ARHGEF10: variants seen among roughly 807,000 people sequenced by gnomAD.
The protein encoded by ARHGEF10 is Rho guanine nucleotide exchange factor 10, also known as Rho guanine nucleotide exchange factor (GEF) 10.
ARHGEF10 carries 140 observed loss-of-function variants against 147.4 expected under a neutral mutation model. The observed-to-expected ratio is 0.95, with a 90% CI of 0.83 to 1.09. The LOEUF (loss-of-function observed/expected upper bound fraction) is 1.09, where lower values mean the gene tolerates loss of function less well. Among genes scored for constraint, ARHGEF10 ranks in the 50% least tolerant of loss-of-function variants. The probability of loss-of-function intolerance (pLI) is 0.00; values close to 1 mark genes in which losing one functional copy is unlikely to be tolerated. For missense variants in ARHGEF10, 2,222 were observed against 1,752.7 expected (o/e 1.27, Z -4.78); for synonymous variants, 902 against 695.8 (o/e 1.30, Z -4.67).
Position 1,928,599 on chromosome 8 carries a change from C to T in ARHGEF10, c.2870C>T (p.Ala957Val), listed in dbSNP as rs774662836. 1.9e-6 allele frequency: 3 copies of T among 1,614,090 alleles called. No homozygotes were observed. The highest frequency in any genetic ancestry group is 2.5e-6 in the Non-Finnish European group (3 of 1,180,046). ...PGAPPDPETP[A>V]VRASDVPTIC... ...GCACCCCCGGACCCCGAGACCCCGG[C>T]CGTGAGAGCTTCTGATGTCCCCACG... The change falls in exon 24 of 29, where the codon GCC becomes GTC. Residue 957 changes from alanine (A) to valine (V), a missense_variant. Coordinates refer to ENST00000349830, the MANE Select transcript of ARHGEF10 (RefSeq NM_014629.4).
intron 7 of ARHGEF10, among the ~76,000 whole-genome samples, chr8:1,873,274 C>T (rs1807287243): frequency 6.6e-6 from 1 of 152,170 alleles, no homozygotes; most frequent in Admixed American, 6.5e-5. Flanking sequence ...CAGGAGGGCA[C>T]CGTGCAGAAG....
At chr8:1,917,759 CTTTCT>C (rs1811867004) in intron 18 of ARHGEF10, among the ~76,000 whole-genome samples, 1 of 151,994 alleles carries the variant, frequency 6.6e-6, no homozygotes, top group Admixed American at 6.6e-5. Flanking sequence ...GCAGGTGTTT[CTTTCT>C]TTTTCTTTTC....
At chr8:1,884,344 C>G (rs374778148) in intron 10 of ARHGEF10, among the ~76,000 whole-genome samples, 1,979 of 151,106 alleles carry the variant, frequency 0.013, 22 homozygotes, top group South Asian at 0.051. Context: ...TGCAGTGAGC[C>G]GAGATTGCGC....
At chr8:1,888,126 AG>A (rs201407720) in intron 11 of ARHGEF10, among the ~76,000 whole-genome samples, 16 of 69,408 alleles carry the variant, frequency 2.3e-4, no homozygotes, top group African/African-American at 2.2e-3. Context: ...TAGTGGGGTG[AG>A]GGTTTGCGAG....
intron 1 of ARHGEF10, among the ~76,000 whole-genome samples, chr8:1,833,680 G>A (rs897666415): frequency 1.3e-5 from 2 of 152,180 alleles, no homozygotes; most frequent in Admixed American, 6.5e-5. Context: ...TCCCCAGGCC[G>A]CTGCTGCCCT....
Position 1,896,413 on chromosome 8 carries a change from A to G in ARHGEF10, c.1521A>G (p.Thr507=), listed in dbSNP as rs1197508287. The change falls in exon 14 of 29, where the codon ACA becomes ACG. Residue 507 remains threonine, a synonymous_variant. Transcript: ENST00000349830. ...FSTAVAVLKK[T]CATKPAFLEF... ...CAGCCGTGGCAGTCCTCAAGAAAAC[A>G]TGTGCCACAAAGCCCGCTTTTCTTG... is the stretch of plus-strand genomic sequence containing the variant. 2 of 1,613,808 alleles carry G rather than the reference A, an allele frequency of 1.2e-6. No individual in the cohort carries two copies. The highest frequency in any genetic ancestry group is 2.2e-5 in the South Asian group (2 of 91,036).
intron 13 of ARHGEF10, 106 bp downstream of exon 13, chr8:1,894,678 G>A (rs1009194445): frequency 3.0e-6 from 4 of 1,312,004 alleles, no homozygotes. Context: ...AAGCTGACAA[G>A]TGTGCAGTTC....
chr8:1,856,906 G>A (rs768046907), intron 2 of ARHGEF10, among the ~76,000 whole-genome samples: 8 of 152,178 alleles, frequency 5.3e-5, no homozygotes, highest in Non-Finnish European at 1.0e-4. Flanking sequence ...TGGGTGTGCC[G>A]GGTGGTGTTG....
At chr8:1,951,745 C>G (rs1815067066) in intron 27 of ARHGEF10, among the ~76,000 whole-genome samples, 1 of 152,220 alleles carries the variant, frequency 6.6e-6, no homozygotes, top group Admixed American at 6.5e-5. Flanking sequence ...CAGAGAAACA[C>G]TGGGGATTAG....
At chr8:1,863,685 A>G (rs551535914) in intron 4 of ARHGEF10, among the ~76,000 whole-genome samples, 1 of 152,214 alleles carries the variant, frequency 6.6e-6, no homozygotes, top group African/African-American at 2.4e-5. Context: ...CTTCTTCTGC[A>G]CTGGCGTCTC....
intron 1 of ARHGEF10, among the ~76,000 whole-genome samples, chr8:1,835,810 C>T (rs1203460906): frequency 6.6e-6 from 1 of 152,218 alleles, no homozygotes; most frequent in Non-Finnish European, 1.5e-5. Flanking sequence ...CGGCCTGACG[C>T]ACACGGCATG....
At chr8:1,898,051 G>A (rs1810152020) in intron 14 of ARHGEF10, among the ~76,000 whole-genome samples, 1 of 152,156 alleles carries the variant, frequency 6.6e-6, no homozygotes, top group Non-Finnish European at 1.5e-5. Flanking sequence ...TGTGCTCAGG[G>A]AGAGGAGCCG....
chr8:1,885,138 CAG>C (rs1808549833), intron 10 of ARHGEF10, among the ~76,000 whole-genome samples: 1 of 152,162 alleles, frequency 6.6e-6, no homozygotes, highest in Admixed American at 6.5e-5. Flanking sequence ...GTGAGAGAGA[CAG>C]AAGAAATATA....
At chr8:1,882,051 G>A (rs932324608) in intron 9 of ARHGEF10, among the ~76,000 whole-genome samples, 2 of 152,326 alleles carry the variant, frequency 1.3e-5, no homozygotes, top group African/African-American at 4.8e-5. Flanking sequence ...AGGCCAGGGG[G>A]ACATGGCTTC....
chr8:1,847,815 C>T (rs191847482), intron 2 of ARHGEF10, among the ~76,000 whole-genome samples: 41 of 152,298 alleles, frequency 2.7e-4, no homozygotes, highest in African/African-American at 9.1e-4. Context: ...AATCATATCC[C>T]GAGTTAAACC....
chr8:1,863,171 G>A (rs1005127119), intron 4 of ARHGEF10, among the ~76,000 whole-genome samples: 1 of 152,174 alleles, frequency 6.6e-6, no homozygotes, highest in African/African-American at 2.4e-5. Context: ...TCCTGGCCCT[G>A]TGTCTGCCCT....
intron 23 of ARHGEF10, chr8:1,927,127 A>T (rs1311065213): frequency 6.4e-6 from 1 of 156,956 alleles, no homozygotes; most frequent in East Asian, 1.9e-4. Context: ...GAGTGTCAGA[A>T]ATTGAACAAC....
In ARHGEF10 at chr8:1,957,042, CTAGAG is replaced by C. The variant is rs763094041; in HGVS notation, c.3815_3819del (p.Leu1272ProfsTer10). On this transcript the variant is annotated frameshift_variant, in exon 29 of 29. Coordinates refer to ENST00000349830, the MANE Select transcript of ARHGEF10 (RefSeq NM_014629.4). LOFTEE classifies it low-confidence loss of function (END_TRUNC). ...GAGCTTGTCTCACGGCTCCAGCTCTCTAGAGCACAGATCAGAGGACAGCACCATCT... is the reference window on the plus strand; with the variant it reads ...GAGCTTGTCTCACGGCTCCAGCTCTCCACAGATCAGAGGACAGCACCATCT... 42 of 1,613,940 alleles carry C rather than the reference CTAGAG, an allele frequency of 2.6e-5. No homozygotes were observed. Among genetic ancestry groups the C allele is most frequent in the Non-Finnish European group, 3.5e-5 (41 of 1,180,042 alleles).
In ARHGEF10 at chr8:1,945,913, C is replaced by CCGCGTGCTGGGAGGAGG; in HGVS notation, c.3397+264_3397+265insCTGGGAGGAGGCGCGTG. 6 of 614,282 alleles carry CCGCGTGCTGGGAGGAGG rather than the reference C, an allele frequency of 9.8e-6. No individual in the cohort carries two copies. The East Asian group carries it at 1.4e-4, about 14-fold the overall frequency. The allele number at this position is 614,282 out of a possible 1,614,324, so 38.1% of individuals were successfully genotyped here. A position where few individuals can be genotyped will look rare whatever the true frequency, so the allele number is the denominator to read the frequency against. On this transcript the variant is annotated intron_variant, in intron 27 of 28. Transcript: ENST00000349830. ...GGGAGGAGCCGCGTGCTGGGAGGAG[C>CCGCGTGCTGGGAGGAGG]CGCGTGGCAGTGCCATCTCTGTAGG...
Sources: gnomAD v4.1 joint callset for allele counts (sites outside exome capture counted in the v4.1 genomes callset) on GRCh38, gnomAD v4.1.1 for gene constraint, MANE v1.5 for transcripts, NCBI Gene and HGNC (gene_info 2026-07-23, HGNC 2026-07-21) for gene names.